The following CCDC73 variants were observed in gnomAD, a reference collection of about 807,000 sequenced individuals.
CCDC73 encodes the protein coiled-coil domain containing 73.
In CCDC73, 95 loss-of-function variants were observed where a neutral mutation model predicts 116.5. The ratio of observed to expected loss-of-function variants is 0.82; its 90% CI spans 0.69 to 0.97. The LOEUF (loss-of-function observed/expected upper bound fraction) is 0.97, where lower values mean the gene tolerates loss of function less well. Ranked by LOEUF, CCDC73 falls within the 50% of genes least tolerant of loss-of-function variation. CCDC73 has a pLI of 0.00. For synonymous variants in CCDC73, 398 were observed against 401.3 expected, an observed-to-expected ratio of 0.99 and a Z score of 0.10; for missense variants, 1,066 against 1,206.8, an observed-to-expected ratio of 0.88 and a Z score of 1.73.
rs139285878 is a variant in CCDC73 at position 32,682,223 on chromosome 11, G to A, written c.429+1313C>T. ...TTTAACTTGTAGCCTTATCTCCCAG[G>A]TCAAAGGGCACATTATTCAATTTCA... On this transcript the variant is annotated intron_variant, in intron 7 of 17. Transcript: ENST00000335185. The A allele has an allele frequency of 4.8e-3, 724 of 151,752 alleles. 6 individuals are homozygous for A. The highest frequency in any genetic ancestry group is 0.017 in the African/African-American group (700 of 41,480). 9.4% of individuals were successfully genotyped at this position (151,752 alleles called of 1,614,324 possible). A position where few individuals can be genotyped will look rare whatever the true frequency, so the allele number is the denominator to read the frequency against.
chr11:32,694,060 G>A (rs1856286873), intron 6 of CCDC73, among the ~76,000 whole-genome samples: 1 of 152,182 alleles, frequency 6.6e-6, no homozygotes. Context: ...AGAAGTTCTG[G>A]CCAGGGCAAT....
At chr11:32,640,613 G>A (rs1038294166) in intron 13 of CCDC73, among the ~76,000 whole-genome samples, 5 of 152,064 alleles carry the variant, frequency 3.3e-5, no homozygotes, top group Admixed American at 6.6e-5. Flanking sequence ...ACCATTTAAC[G>A]ATTTTTTAGT....
chr11:32,745,290 T>C (rs537120178), intron 2 of CCDC73, among the ~76,000 whole-genome samples: 66 of 152,340 alleles, frequency 4.3e-4, no homozygotes, highest in African/African-American at 1.5e-3. Flanking sequence ...TGATTTCTGT[T>C]CTTTTACATT....
At chr11:32,765,032 G>A (rs1850428120) in intron 1 of CCDC73, among the ~76,000 whole-genome samples, 1 of 152,140 alleles carries the variant, frequency 6.6e-6, no homozygotes, top group Non-Finnish European at 1.5e-5. Flanking sequence ...ATTATATAAT[G>A]GCAAAGGGAT....
In CCDC73 at chr11:32,621,217, C is replaced by T. The variant is rs979889559; in HGVS notation, c.1186-5088G>A. Among the ~76,000 whole-genome samples, 32 of 152,150 alleles carry T rather than the reference C, an allele frequency of 2.1e-4. 1 individual carries two copies. The highest frequency in any genetic ancestry group is 2.1e-3 in the Admixed American group (32 of 15,272). On this transcript the variant is annotated intron_variant, in intron 14 of 17. Transcript: ENST00000335185. ...CAAAAAAGAGCCAGTATAGCCAAGACAATCCTAAGCAAAAAGAACAAAGCT... is the reference window on the plus strand; with the variant it reads ...CAAAAAAGAGCCAGTATAGCCAAGATAATCCTAAGCAAAAAGAACAAAGCT...
intron 3 of CCDC73, among the ~76,000 whole-genome samples, chr11:32,707,850 A>T (rs929639234): frequency 6.6e-6 from 1 of 152,154 alleles, no homozygotes; most frequent in Non-Finnish European, 1.5e-5. Flanking sequence ...CAGGTTCCAA[A>T]CATTTCTGAA....
At chr11:32,793,884 T>C (rs1441626595) in intron 1 of CCDC73, among the ~76,000 whole-genome samples, 4 of 152,154 alleles carry the variant, frequency 2.6e-5, no homozygotes, top group Non-Finnish European at 5.9e-5. Context: ...GTGCTGGGAC[T>C]ACAGATGTGA....
chr11:32,790,323 G>A (rs1225741050), intron 1 of CCDC73, among the ~76,000 whole-genome samples: 3 of 151,992 alleles, frequency 2.0e-5, no homozygotes, highest in South Asian at 2.1e-4. Context: ...CTCCTTTTCC[G>A]AACTATACTT....
intron 3 of CCDC73, among the ~76,000 whole-genome samples, chr11:32,704,896 G>A (rs1428271811): frequency 6.6e-6 from 1 of 152,222 alleles, no homozygotes; most frequent in Non-Finnish European, 1.5e-5. Context: ...ACTGAGAGCT[G>A]TTTGGTCACC....
chr11:32,653,867 T>C (rs955140217), intron 11 of CCDC73, 111 bp downstream of exon 11: 3 of 1,206,420 alleles, frequency 2.5e-6, no homozygotes, highest in African/African-American at 3.1e-5. Flanking sequence ...GTACATTTAA[T>C]ACACATTAAC....
chr11:32,820,848 G>A, the CCDC73 span, among the ~76,000 whole-genome samples: 1 of 152,030 alleles, frequency 6.6e-6, no homozygotes, highest in African/African-American at 2.4e-5. Flanking sequence ...CATTTTCTGA[G>A]GTTTACTAAT....
intron 9 of CCDC73, among the ~76,000 whole-genome samples, chr11:32,670,325 A>T (rs2133281958): frequency 6.6e-6 from 1 of 152,254 alleles, no homozygotes; most frequent in East Asian, 1.9e-4. Flanking sequence ...GATCGAGACC[A>T]TCCTGGTTAA....
intron 1 of CCDC73, among the ~76,000 whole-genome samples, chr11:32,783,018 A>G (rs1019591514): frequency 4.6e-5 from 7 of 152,154 alleles, no homozygotes; most frequent in African/African-American, 1.4e-4. Context: ...GAAATCATCA[A>G]AAAGTTTCTA....
At chr11:32,754,420 C>T (rs1248924303) in intron 2 of CCDC73, among the ~76,000 whole-genome samples, 1 of 152,038 alleles carries the variant, frequency 6.6e-6, no homozygotes, top group Non-Finnish European at 1.5e-5. Flanking sequence ...GATAGAATGA[C>T]ATGGGCCAAT....
the CCDC73 span, among the ~76,000 whole-genome samples, chr11:32,824,422 A>C: frequency 3.7e-4 from 57 of 152,342 alleles, no homozygotes; most frequent in East Asian, 9.6e-3. Flanking sequence ...AAATTACTTA[A>C]ATAGAATTTT....
chr11:32,799,963 C>T, the CCDC73 span, among the ~76,000 whole-genome samples: 5 of 152,100 alleles, frequency 3.3e-5, no homozygotes, highest in Non-Finnish European at 7.4e-5. Flanking sequence ...TATCTGTAAC[C>T]TCAGCGCAGT....
At chr11:32,644,948 G>C (rs1417565923) in intron 12 of CCDC73, among the ~76,000 whole-genome samples, 1 of 152,066 alleles carries the variant, frequency 6.6e-6, no homozygotes, top group Non-Finnish European at 1.5e-5. Flanking sequence ...CTCTTTTACC[G>C]CTGAGTAATC....
intron 14 of CCDC73, among the ~76,000 whole-genome samples, chr11:32,627,119 A>C (rs1202142782): frequency 2.0e-5 from 3 of 152,260 alleles, no homozygotes; most frequent in Non-Finnish European, 4.4e-5. Context: ...AAACAAATTT[A>C]CAAGAAAAAA....
chr11:32,714,906 G>C (rs1307080368), intron 3 of CCDC73, among the ~76,000 whole-genome samples: 2 of 151,954 alleles, frequency 1.3e-5, no homozygotes, highest in African/African-American at 4.8e-5. Context: ...CATTTTATAG[G>C]AACATAGACA....
Sources: allele counts gnomAD v4.1 joint callset (sites outside exome capture counted in the v4.1 genomes callset), GRCh38; gene constraint gnomAD v4.1.1; transcripts MANE v1.5; gene names NCBI Gene and HGNC (gene_info 2026-07-23, HGNC 2026-07-21).